The following CDYL variants were observed in gnomAD, a reference collection of about 807,000 sequenced individuals.
CDYL encodes chromodomain Y-like protein.
A neutral mutation model predicts 47.3 loss-of-function variants in CDYL; 8 were observed. The ratio of observed to expected loss-of-function variants is 0.17; its 90% CI spans 0.10 to 0.31. The LOEUF (loss-of-function observed/expected upper bound fraction) is 0.31. Among genes scored for constraint, CDYL ranks in the 10% least tolerant of loss-of-function variants. The pLI is 1.00. For synonymous variants in CDYL, 266 were observed against 265.0 expected (o/e 1.00, Z -0.04); for missense variants, 471 against 701.4 (o/e 0.67, Z 3.71).
chr6:4,784,030 C>G (rs1758688349), intron 1 of CDYL, among the ~76,000 whole-genome samples: 1 of 152,024 alleles, frequency 6.6e-6, no homozygotes, highest in Non-Finnish European at 1.5e-5. Context: ...TTTCCATCTC[C>G]TTGTTTGTGT....
At chr6:4,836,502 A>AT (rs1445107719) in intron 1 of CDYL, among the ~76,000 whole-genome samples, 1 of 152,146 alleles carries the variant, frequency 6.6e-6, no homozygotes, top group Non-Finnish European at 1.5e-5. Flanking sequence ...CTGTGTGTCC[A>AT]TTCGAGAGCA....
At chr6:4,892,596 CTG>C (rs1283691636) in intron 2 of CDYL, among the ~76,000 whole-genome samples, 1 of 150,660 alleles carries the variant, frequency 6.6e-6, no homozygotes, top group African/African-American at 2.5e-5. Context: ...CATCCACAGA[CTG>C]TGCTACCACA....
intron 1 of CDYL, among the ~76,000 whole-genome samples, chr6:4,883,738 G>T (rs1761825343): frequency 6.6e-6 from 1 of 152,152 alleles, no homozygotes. Flanking sequence ...ACTGGTAATT[G>T]TAAGCAGCAC....
At chr6:4,733,375 G>A (rs1251175756) in intron 2 of CDYL, 1 of 149,242 alleles carries the variant, frequency 6.7e-6, no homozygotes, top group Non-Finnish European at 1.5e-5. Context: ...AAAGTTACAT[G>A]TTTTTAAAAA....
At chr6:4,796,891 T>C (rs1759087678) in intron 1 of CDYL, among the ~76,000 whole-genome samples, 1 of 152,212 alleles carries the variant, frequency 6.6e-6, no homozygotes, top group South Asian at 2.1e-4. Context: ...TTGGCTTACT[T>C]TTAGTGTTAG....
chr6:4,784,807 T>C (rs1758709744), intron 1 of CDYL, among the ~76,000 whole-genome samples: 1 of 152,208 alleles, frequency 6.6e-6, no homozygotes, highest in Non-Finnish European at 1.5e-5. Flanking sequence ...GGAGGGACCC[T>C]GTGGGAGGTA....
chr6:4,880,348 T>C (rs1206864430), intron 1 of CDYL, among the ~76,000 whole-genome samples: 1 of 152,212 alleles, frequency 6.6e-6, no homozygotes, highest in African/African-American at 2.4e-5. Flanking sequence ...TGTGTCCTTT[T>C]GTGGCTTGAT....
At chr6:4,806,548 GCA>G (rs1446923088) in intron 1 of CDYL, among the ~76,000 whole-genome samples, 3 of 152,150 alleles carry the variant, frequency 2.0e-5, no homozygotes, top group Non-Finnish European at 2.9e-5. Flanking sequence ...TAACATTGTA[GCA>G]CAGTTACCAA....
chr6:4,766,285 C>G (rs1758250487), intron 3 of CDYL, among the ~76,000 whole-genome samples: 2 of 152,172 alleles, frequency 1.3e-5, no homozygotes, highest in Admixed American at 6.5e-5. Context: ...TCTTGGCTCA[C>G]TGCAACCTCC....
intron 3 of CDYL, among the ~76,000 whole-genome samples, chr6:4,750,328 A>G (rs1317856400): frequency 6.6e-6 from 1 of 151,990 alleles, no homozygotes; most frequent in East Asian, 1.9e-4. Flanking sequence ...TCAGCCTCCC[A>G]TGTAGCTGGG....
intron 3 of CDYL, among the ~76,000 whole-genome samples, chr6:4,753,554 C>T (rs1414214240): frequency 1.3e-5 from 2 of 152,156 alleles, no homozygotes; most frequent in Non-Finnish European, 2.9e-5. Context: ...TGGATCAAAC[C>T]TGATTGTCAG....
At chr6:4,774,580 A>G (rs894771664), upstream of CDYL, 1 of 152,258 alleles carries the variant, frequency 6.6e-6, no homozygotes, top group African/African-American at 2.4e-5. Flanking sequence ...CAAACATTTG[A>G]TAATGGGAAT....
intron 2 of CDYL, among the ~76,000 whole-genome samples, chr6:4,914,172 A>AT (rs1012866647): frequency 7.2e-6 from 1 of 139,776 alleles, no homozygotes; most frequent in African/African-American, 2.7e-5. Context: ...GTGTTTCATG[A>AT]TTTTTTTCTT....
chr6:4,918,474 A>T (rs1012381290), intron 2 of CDYL, among the ~76,000 whole-genome samples: 6 of 152,086 alleles, frequency 3.9e-5, no homozygotes, highest in African/African-American at 1.2e-4. Flanking sequence ...TAAAAAGGAA[A>T]TAACTAAATT....
intron 1 of CDYL, chr6:4,714,035 A>C (rs1278085885): frequency 6.6e-6 from 1 of 152,178 alleles, no homozygotes; most frequent in Admixed American, 6.5e-5. Flanking sequence ...TAGATGTGAT[A>C]TCATCTCATG....
chr6:4,857,929 T>C (rs1410935466), intron 1 of CDYL, among the ~76,000 whole-genome samples: 1 of 152,144 alleles, frequency 6.6e-6, no homozygotes, highest in African/African-American at 2.4e-5. Context: ...TTTGCTGAAA[T>C]AGTGATTTAA....
intron 1 of CDYL, among the ~76,000 whole-genome samples, chr6:4,878,194 TGG>T (rs1761668713): frequency 6.6e-6 from 1 of 152,172 alleles, no homozygotes; most frequent in Non-Finnish European, 1.5e-5. Context: ...TGAGGGATAT[TGG>T]TCCATAATTT....
At chr6:4,948,558 T>C (rs1484375458) in intron 5 of CDYL, among the ~76,000 whole-genome samples, 3 of 152,132 alleles carry the variant, frequency 2.0e-5, no homozygotes, top group Non-Finnish European at 4.4e-5. Context: ...TGGGGAACAA[T>C]GTCTGGAGAC....
chr6:4,895,882 C>T (rs1323379449), intron 2 of CDYL, among the ~76,000 whole-genome samples: 1 of 152,220 alleles, frequency 6.6e-6, no homozygotes, highest in Non-Finnish European at 1.5e-5. Flanking sequence ...TCCATCCACA[C>T]ATGTGGCATT....
Sources: allele counts gnomAD v4.1 joint callset (sites outside exome capture counted in the v4.1 genomes callset), GRCh38; gene constraint gnomAD v4.1.1; transcripts MANE v1.5; gene names NCBI Gene and HGNC (gene_info 2026-07-23, HGNC 2026-07-21).